Variants in TRPM2 observed in about 807,000 individuals in gnomAD.
The protein encoded by TRPM2 is transient receptor potential cation channel subfamily M member 2, also known as estrogen-responsive element-associated gene 1 protein.
TRPM2 carries 161 observed loss-of-function variants against 174.0 expected under a neutral mutation model. The observed-to-expected ratio is 0.93, with a 90% CI of 0.81 to 1.05. The LOEUF (loss-of-function observed/expected upper bound fraction) is 1.05, where lower values mean the gene tolerates loss of function less well. Ranked by LOEUF, TRPM2 falls within the 50% of genes least tolerant of loss-of-function variation. TRPM2 has a pLI of 0.00. For missense variants in TRPM2, 2,057 were observed against 2,038.0 expected, an observed-to-expected ratio of 1.01 and a Z score of -0.18; for synonymous variants, 954 against 861.3, an observed-to-expected ratio of 1.11 and a Z score of -1.88.
chr21:44,435,307 G>A (rs1314256900), intron 28 of TRPM2, 90 bp downstream of exon 28: 3 of 1,423,674 alleles, frequency 2.1e-6, no homozygotes, highest in Middle Eastern at 4.8e-4. Context: ...GTGCTCAGGG[G>A]CCGGGAGGGC....
chr21:44,421,531 G>A (rs906369546), intron 22 of TRPM2, among the ~76,000 whole-genome samples: 2 of 152,220 alleles, frequency 1.3e-5, no homozygotes, highest in Non-Finnish European at 2.9e-5. Flanking sequence ...AACATTTTGG[G>A]AGGCTGAGGT....
chr21:44,390,765 C>G, intron 9 of TRPM2, 139 bp from the exon 10 acceptor site: 1 of 1,122,026 alleles, frequency 8.9e-7, no homozygotes, highest in Non-Finnish European at 1.3e-6. Context: ...GGGAGGAGGT[C>G]ACTGGGTGCT....
intron 13 of TRPM2, among the ~76,000 whole-genome samples, chr21:44,398,773 A>T (rs948416391): frequency 1.9e-4 from 29 of 152,116 alleles, no homozygotes; most frequent in Admixed American, 3.9e-4. Context: ...TCCAATAGTG[A>T]TGATATTCCT....
chr21:44,407,260 G>A (rs904788820), intron 19 of TRPM2, among the ~76,000 whole-genome samples: 2 of 142,898 alleles, frequency 1.4e-5, no homozygotes, highest in Non-Finnish European at 3.0e-5. Flanking sequence ...TGAGTAGCTG[G>A]GACTGCATGT....
intron 27 of TRPM2, 49 bp downstream of exon 27, chr21:44,427,160 C>CT: frequency 6.8e-7 from 1 of 1,470,792 alleles, no homozygotes; most frequent in Non-Finnish European, 9.2e-7. Flanking sequence ...TGGGGTTTGC[C>CT]TGGGGGGCAG....
intron 19 of TRPM2, among the ~76,000 whole-genome samples, chr21:44,411,054 T>C (rs1378657484): frequency 6.6e-6 from 1 of 151,878 alleles, no homozygotes; most frequent in East Asian, 1.9e-4. Flanking sequence ...GTAGTAAGTT[T>C]TGACCGTGCT....
rs45568434 is a variant in TRPM2, at chr21:44,354,794, A to G, written c.254+58A>G. On this transcript the variant is annotated intron_variant, in intron 2 of 31. Coordinates refer to ENST00000397928, the MANE Select transcript of TRPM2 (RefSeq NM_003307.4). This position sits in a 1 kb window ranked among gnomAD's most constrained non-coding sequence, Gnocchi z 4.3. ...ACTTCTTCCTTCCGATCCCACATGG[A>G]GTAGCTGATCAGGCCAAGACCCCTC... is the stretch of plus-strand genomic sequence containing the variant. 3,413 of 1,534,258 alleles carry G rather than the reference A, an allele frequency of 2.2e-3. 67 individuals carry two copies. In the African/African-American group the frequency reaches 0.039, roughly 18 times the overall value.
chr21:44,355,888 G>A (rs1041166480), intron 2 of TRPM2, among the ~76,000 whole-genome samples: 7 of 151,026 alleles, frequency 4.6e-5, no homozygotes, highest in African/African-American at 1.7e-4. Flanking sequence ...CCCATATCTC[G>A]TATCAGTCCC....
rs57287921 is a variant in TRPM2 at position 44,353,676 on chromosome 21, T to C, written c.-25T>C. 3 of 1,464,454 alleles carry C rather than the reference T, an allele frequency of 2.0e-6. No homozygotes were observed. Among genetic ancestry groups the C allele is most frequent in the East Asian group, 2.8e-5 (1 of 36,336 alleles). The allele number at this position is 1,464,454 out of a possible 1,614,324, so 90.7% of individuals were successfully genotyped here. A position where few individuals can be genotyped will look rare whatever the true frequency, so the allele number is the denominator to read the frequency against. On this transcript the variant is annotated 5_prime_UTR_variant, in exon 1 of 32. Coordinates refer to ENST00000397928, the MANE Select transcript of TRPM2 (RefSeq NM_003307.4). ...ACTGTCCTGAGGGCAGCAGGCCTGG[T>C]TGCAGCTGGCGTGGGGGTCTCAGAA...
At chr21:44,379,233 G>GT in intron 8 of TRPM2, 36 bp downstream of exon 8, 10 of 1,602,220 alleles carry the variant, frequency 6.2e-6, no homozygotes, top group Non-Finnish European at 8.5e-6. Flanking sequence ...CCAGCATGTG[G>GT]CTGCTTTGCA....
chr21:44,426,897 C>A, intron 26 of TRPM2, 113 bp from the exon 27 acceptor site: 3 of 1,349,060 alleles, frequency 2.2e-6, no homozygotes, highest in Non-Finnish European at 3.1e-6. Context: ...GTTGTGTACA[C>A]CCAGCCTGCA....
intron 11 of TRPM2, among the ~76,000 whole-genome samples, chr21:44,393,439 G>C (rs1167296487): frequency 6.6e-6 from 1 of 152,060 alleles, no homozygotes; most frequent in Non-Finnish European, 1.5e-5. Flanking sequence ...GGATTCTCTT[G>C]GCAACATTTT....
In TRPM2 at chr21:44,395,501, TG is replaced by T; in HGVS notation, c.1885del (p.Ala629ProfsTer31). On this transcript the variant is annotated frameshift_variant, in exon 12 of 32. Transcript: ENST00000397928. LOFTEE classifies it high-confidence loss of function. ...TMDPIRDLLI[W>X]AIVQNRRELA... is the part of the protein sequence containing the mutation. Reference sequence around the variant, plus strand: ...GGACCCCATCCGTGACCTTCTCATTTGGGCCATTGTCCAGAACCGTCGGGAG... The same window carrying T: ...GGACCCCATCCGTGACCTTCTCATTTGGCCATTGTCCAGAACCGTCGGGAG... 1 of 1,613,142 alleles carries T rather than the reference TG, an allele frequency of 6.2e-7. No homozygotes were observed. Among genetic ancestry groups the T allele is most frequent in the South Asian group, 1.1e-5 (1 of 91,082 alleles).
chr21:44,401,624 GAGGTC>G (rs1386272257), intron 15 of TRPM2, 52 bp from the exon 16 acceptor site: 22 of 1,576,470 alleles, frequency 1.4e-5, no homozygotes, highest in Non-Finnish European at 1.9e-5. Context: ...AAAGCCTGTG[GAGGTC>G]AGGACCCTGG....
chr21:44,425,665 C>T lies in TRPM2; in HGVS notation c.3638-5C>T. The T allele has an allele frequency of 1.3e-6, 2 of 1,505,730 alleles. No homozygotes were observed. Among genetic ancestry groups the T allele is most frequent in the Non-Finnish European group, 9.0e-7 (1 of 1,117,030 alleles). 93.3% of individuals were successfully genotyped at this position (1,505,730 alleles called of 1,614,324 possible). On this transcript the variant is annotated splice_polypyrimidine_tract_variant and splice_region_variant and intron_variant, in intron 24 of 31. Transcript: ENST00000397928. ...CTTGCGTCACGTCTTCCTGACTGTC[C>T]CCAGCCTCCCAGAAGGCCGCGGAGG...
chr21:44,422,535 G>C lies in TRPM2; in HGVS notation c.3462-1110G>C, dbSNP rs77394096. On this transcript the variant is annotated intron_variant, in intron 22 of 31. Coordinates refer to ENST00000397928, the MANE Select transcript of TRPM2 (RefSeq NM_003307.4). ...CTCCCTAGATAACTGTTTAAAGTGGGTCATATCCCCAGAAAGTTTCTGTGT... is the reference window on the plus strand; with the variant it reads ...CTCCCTAGATAACTGTTTAAAGTGGCTCATATCCCCAGAAAGTTTCTGTGT... 8.8e-4 allele frequency: 1,176 copies of C among 1,329,630 alleles called. 13 individuals are homozygous for C. The African/African-American group carries it at 0.016, about 18-fold the overall frequency. The allele number at this position is 1,329,630 out of a possible 1,614,324, so 82.4% of individuals were successfully genotyped here.
intron 19 of TRPM2, 128 bp downstream of exon 19, chr21:44,406,893 T>G: frequency 2.4e-6 from 3 of 1,249,502 alleles, no homozygotes; most frequent in Non-Finnish European, 3.3e-6. Flanking sequence ...ACCTGGCCGG[T>G]GTCCTCCCTG....
rs778414795 is a variant in TRPM2 at position 44,435,215 on chromosome 21, G to A, written c.4059G>A (p.Thr1353=). ...ACCACACGCTGTACCCCATGGTCAC[G>A]CGGTGAGTTCATGTGTGCCGGGCAC... ...GPNHTLYPMV[T]RWRRNEDGAI... is the part of the protein sequence containing the mutation. Residue 1353 remains threonine, a splice_region_variant and synonymous_variant, in exon 28 of 32, where the codon ACG becomes ACA. Transcript: ENST00000397928. 28 of 1,612,614 alleles carry A rather than the reference G, an allele frequency of 1.7e-5. No individual in the cohort carries two copies. Among genetic ancestry groups the A allele is most frequent in the Non-Finnish European group, 1.8e-5 (21 of 1,179,248 alleles).
Position 44,424,879 on chromosome 21 carries a change from T to C in TRPM2, c.3577T>C (p.Trp1193Arg). The change falls in exon 24 of 32, where the codon TGG becomes CGG. Residue 1193 changes from tryptophan to arginine, a missense_variant. Physicochemically the swap from Trp to Arg is moderately radical, Grantham distance 101 (BLOSUM62 -3). Coordinates refer to ENST00000397928, the MANE Select transcript of TRPM2 (RefSeq NM_003307.4). Reference protein sequence around the residue: ...QVAQTAQALHWIVRTLRASGF... With the variant: ...QVAQTAQALHRIVRTLRASGF... ...GGCCCAGACAGCCCAAGCCCTGCAC[T>C]GGATCGTGAGGACGCTGCGGGCCAG... 1.2e-6 allele frequency: 2 copies of C among 1,607,954 alleles called. No homozygotes were observed. Among genetic ancestry groups the C allele is most frequent in the Non-Finnish European group, 1.7e-6 (2 of 1,178,298 alleles).
Sources: allele counts gnomAD v4.1 joint callset (sites outside exome capture counted in the v4.1 genomes callset), GRCh38; gene constraint gnomAD v4.1.1; non-coding constraint Gnocchi (gnomAD v3.1); transcripts MANE v1.5; gene names NCBI Gene and HGNC (gene_info 2026-07-23, HGNC 2026-07-21).